Variants in ANGPT1 observed in about 807,000 individuals in gnomAD.
ANGPT1 encodes the protein angiopoietin-1.
ANGPT1 carries 17 observed loss-of-function variants against 62.2 expected under a neutral mutation model. The observed-to-expected ratio is 0.27, with a 90% CI of 0.19 to 0.41. The LOEUF (loss-of-function observed/expected upper bound fraction) is 0.41, where lower values mean the gene tolerates loss of function less well. ANGPT1 is among the 10% of genes least tolerant of loss of function. The probability of loss-of-function intolerance (pLI) is 1.00; values close to 1 mark genes in which losing one functional copy is unlikely to be tolerated. For missense variants in ANGPT1, 478 were observed against 594.9 expected (o/e 0.80, Z 2.04); for synonymous variants, 199 against 198.9 (o/e 1.00, Z 0.00).
intron 3 of ANGPT1, among the ~76,000 whole-genome samples, chr8:107,323,929 G>A (rs950286225): frequency 6.6e-6 from 1 of 151,862 alleles, no homozygotes; most frequent in East Asian, 1.9e-4. Flanking sequence ...ACAGGCGCCT[G>A]CCACCATGCC....
chr8:107,278,850 T>C (rs755680337), intron 7 of ANGPT1, among the ~76,000 whole-genome samples: 4 of 152,224 alleles, frequency 2.6e-5, no homozygotes, highest in Non-Finnish European at 5.9e-5. Flanking sequence ...TCCACTTTGG[T>C]GGCTACACGT....
At chr8:107,291,957 GTT>G (rs1814289636) in intron 6 of ANGPT1, among the ~76,000 whole-genome samples, 1 of 148,452 alleles carries the variant, frequency 6.7e-6, no homozygotes, top group African/African-American at 2.5e-5. Flanking sequence ...TCATTAGAGA[GTT>G]TTGTTCATAC....
At chr8:107,361,298 A>G (rs1404451525) in intron 1 of ANGPT1, among the ~76,000 whole-genome samples, 2 of 151,796 alleles carry the variant, frequency 1.3e-5, no homozygotes, top group Non-Finnish European at 2.9e-5. Context: ...AAACTAAAAC[A>G]TGTTGTACTG....
intron 1 of ANGPT1, among the ~76,000 whole-genome samples, chr8:107,403,222 A>G (rs1378705852): frequency 6.6e-6 from 1 of 152,150 alleles, no homozygotes; most frequent in Non-Finnish European, 1.5e-5. Context: ...CGGGCATCAC[A>G]TCTTACACAA....
chr8:107,366,617 CG>C (rs1563588776), intron 1 of ANGPT1, among the ~76,000 whole-genome samples: 1 of 152,032 alleles, frequency 6.6e-6, no homozygotes, highest in African/African-American at 2.4e-5. Context: ...AACTTAACTG[CG>C]TATTGTTACT....
intron 1 of ANGPT1, among the ~76,000 whole-genome samples, chr8:107,387,753 C>T (rs1043069464): frequency 6.6e-6 from 1 of 151,104 alleles, no homozygotes; most frequent in Non-Finnish European, 1.5e-5. Context: ...TATTTAAAGA[C>T]TTCATTCCAA....
chr8:107,274,190 T>C (rs73700099), intron 7 of ANGPT1, among the ~76,000 whole-genome samples: 3,143 of 152,200 alleles, frequency 0.021, 107 homozygotes, highest in African/African-American at 0.071. Context: ...AGAATCTCTT[T>C]AGGTGCGACT....
chr8:107,335,040 A>G (rs1163203995), intron 3 of ANGPT1, among the ~76,000 whole-genome samples: 1 of 152,228 alleles, frequency 6.6e-6, no homozygotes, highest in Non-Finnish European at 1.5e-5. Flanking sequence ...TAATTGTTGC[A>G]TTATGCTCTA....
intron 1 of ANGPT1, among the ~76,000 whole-genome samples, chr8:107,417,232 T>C (rs913649971): frequency 9.9e-5 from 15 of 152,182 alleles, no homozygotes; most frequent in Non-Finnish European, 1.9e-4. Context: ...GACATATATA[T>C]CATATCATAA....
At chr8:107,439,030 C>T (rs1811404691) in intron 1 of ANGPT1, among the ~76,000 whole-genome samples, 1 of 152,130 alleles carries the variant, frequency 6.6e-6, no homozygotes, top group African/African-American at 2.4e-5. Context: ...TGGACTACTG[C>T]TTATGATAGT....
At chr8:107,412,982 G>C (rs1443077281) in intron 1 of ANGPT1, among the ~76,000 whole-genome samples, 1 of 152,114 alleles carries the variant, frequency 6.6e-6, no homozygotes, top group Non-Finnish European at 1.5e-5. Context: ...TGAACAAACA[G>C]GTGGGAAAAG....
chr8:107,408,637 C>T (rs2130349869), intron 1 of ANGPT1, among the ~76,000 whole-genome samples: 1 of 152,188 alleles, frequency 6.6e-6, no homozygotes, highest in East Asian at 1.9e-4. Context: ...TAATGGATGG[C>T]AAATAAAGGA....
intron 1 of ANGPT1, among the ~76,000 whole-genome samples, chr8:107,485,052 A>G (rs1223279954): frequency 1.3e-5 from 2 of 152,186 alleles, no homozygotes; most frequent in Non-Finnish European, 2.9e-5. Flanking sequence ...TTTCCTGCAC[A>G]TTGGGGAAAG....
intron 1 of ANGPT1, among the ~76,000 whole-genome samples, chr8:107,375,178 C>G (rs1430462673): frequency 6.7e-6 from 1 of 150,062 alleles, no homozygotes; most frequent in Non-Finnish European, 1.5e-5. Flanking sequence ...AACAAACAAA[C>G]AAACGAAAAA....
chr8:107,475,296 C>T (rs1026074084), intron 1 of ANGPT1, among the ~76,000 whole-genome samples: 2 of 152,206 alleles, frequency 1.3e-5, no homozygotes, highest in Non-Finnish European at 2.9e-5. Flanking sequence ...CTACAACTAT[C>T]TGATCTTTGA....
At chr8:107,429,663 A>T (rs2130400417) in intron 1 of ANGPT1, among the ~76,000 whole-genome samples, 1 of 150,874 alleles carries the variant, frequency 6.6e-6, no homozygotes, top group Admixed American at 6.6e-5. Flanking sequence ...AAAAAAAAAA[A>T]AAAAAAGTCG....
intron 7 of ANGPT1, among the ~76,000 whole-genome samples, chr8:107,265,688 A>C (rs1267822891): frequency 6.6e-6 from 1 of 152,062 alleles, no homozygotes; most frequent in African/African-American, 2.4e-5. Flanking sequence ...TTATTTATGA[A>C]TCCTGTCCAC....
chr8:107,266,980 A>G (rs1016468082), intron 7 of ANGPT1, among the ~76,000 whole-genome samples: 2 of 152,124 alleles, frequency 1.3e-5, no homozygotes, highest in South Asian at 2.1e-4. Flanking sequence ...ATCACTGAGT[A>G]TAACTACTCT....
chr8:107,300,547 TA>T (rs1227699506), intron 5 of ANGPT1, among the ~76,000 whole-genome samples: 1 of 151,814 alleles, frequency 6.6e-6, no homozygotes, highest in African/African-American at 2.4e-5. Context: ...AGTATTTCAA[TA>T]AAACTAAATC....
Sources: allele counts gnomAD v4.1 joint callset (sites outside exome capture counted in the v4.1 genomes callset), GRCh38; gene constraint gnomAD v4.1.1; transcripts MANE v1.5; gene names NCBI Gene and HGNC (gene_info 2026-07-23, HGNC 2026-07-21).